ANO10: variants seen among roughly 807,000 people sequenced by gnomAD.
ANO10 encodes the protein anoctamin 10, also known as anoctamin-10.
A neutral mutation model predicts 74.7 loss-of-function variants in ANO10; 77 were observed. The observed-to-expected ratio is 1.03, with a 90% CI of 0.86 to 1.25. The LOEUF is 1.25. Ranked by LOEUF, ANO10 falls within the 50% of genes most tolerant of loss-of-function variation. ANO10 has a pLI of 0.00. For synonymous variants in ANO10, 279 were observed against 284.9 expected, an observed-to-expected ratio of 0.98 and a Z score of 0.21; for missense variants, 721 against 778.1, an observed-to-expected ratio of 0.93 and a Z score of 0.87.
intron 12 of ANO10, among the ~76,000 whole-genome samples, chr3:43,383,178 G>A (rs2092017194): frequency 6.6e-6 from 1 of 152,144 alleles, no homozygotes; most frequent in African/African-American, 2.4e-5. Context: ...CCATGGCCGG[G>A]TGCGGTGGCT....
intron 12 of ANO10, among the ~76,000 whole-genome samples, chr3:43,414,288 G>A (rs188535163): frequency 6.6e-6 from 1 of 152,206 alleles, no homozygotes; most frequent in African/African-American, 2.4e-5. Flanking sequence ...AATGGGGAGA[G>A]AGCAGCAAAG....
chr3:43,678,749 C>T (rs2084155473), intron 1 of ANO10, among the ~76,000 whole-genome samples: 1 of 152,128 alleles, frequency 6.6e-6, no homozygotes, highest in African/African-American at 2.4e-5. Context: ...TTGTCTCTGG[C>T]TCATACTCCT....
chr3:43,559,638 G>A (rs1181033804), intron 9 of ANO10, among the ~76,000 whole-genome samples: 1 of 152,052 alleles, frequency 6.6e-6, no homozygotes, highest in Admixed American at 6.6e-5. Context: ...CCAAAGATGA[G>A]GGGGGATGGA....
chr3:43,611,747 G>C (rs1295378705), intron 1 of ANO10, among the ~76,000 whole-genome samples: 3 of 152,000 alleles, frequency 2.0e-5, no homozygotes, highest in Non-Finnish European at 1.5e-5. Context: ...TAAAACTCTG[G>C]AATTAAACTC....
At chr3:43,685,918 G>A (rs1219211069) in intron 1 of ANO10, among the ~76,000 whole-genome samples, 1 of 152,014 alleles carries the variant, frequency 6.6e-6, no homozygotes, top group East Asian at 1.9e-4. Context: ...TTTTTCACAC[G>A]ATGTCTTAGA....
intron 11 of ANO10, among the ~76,000 whole-genome samples, chr3:43,433,681 G>A (rs1484254742): frequency 6.6e-6 from 1 of 152,118 alleles, no homozygotes; most frequent in Non-Finnish European, 1.5e-5. Context: ...ATAATGATAT[G>A]AGATGTATAA....
intron 11 of ANO10, among the ~76,000 whole-genome samples, chr3:43,527,739 A>T (rs1240398921): frequency 6.6e-6 from 1 of 152,192 alleles, no homozygotes; most frequent in Non-Finnish European, 1.5e-5. Context: ...TATGAAAGAG[A>T]GGGAAATAGA....
In ANO10 at chr3:43,366,740, G is replaced by T; in HGVS notation, c.*166C>A. On this transcript the variant is annotated 3_prime_UTR_variant, in exon 13 of 13. Transcript: ENST00000292246. Reference sequence around the variant, plus strand: ...GCCAAGGATCCCGAGCCAAGCCACTGCGAAACTGAGAAGGGTGCTTGCCAC... The same window carrying T: ...GCCAAGGATCCCGAGCCAAGCCACTTCGAAACTGAGAAGGGTGCTTGCCAC... 1 of 716,758 alleles carries T rather than the reference G, an allele frequency of 1.4e-6. No individual in the cohort carries two copies. Among genetic ancestry groups the T allele is most frequent in the Non-Finnish European group, 2.4e-6 (1 of 408,668 alleles). The allele number at this position is 716,758 out of a possible 1,614,324, so 44.4% of individuals were successfully genotyped here.
chr3:43,495,078 G>T (rs369700152), intron 11 of ANO10, among the ~76,000 whole-genome samples: 30 of 151,740 alleles, frequency 2.0e-4, no homozygotes, highest in East Asian at 1.5e-3. Flanking sequence ...AGACAAAAAG[G>T]TCAGTGAAAT....
At chr3:43,683,321 A>G (rs111859385) in intron 1 of ANO10, among the ~76,000 whole-genome samples, 1 of 152,060 alleles carries the variant, frequency 6.6e-6, no homozygotes, top group Non-Finnish European at 1.5e-5. Flanking sequence ...TGAGTGAATT[A>G]CCATTCACAA....
In ANO10 at chr3:43,659,778, G is replaced by C. The variant is rs1375417245; in HGVS notation, c.-12+31739C>G. On this transcript the variant is annotated intron_variant, in intron 1 of 3. Transcript: ENST00000413397. ...GTAACGGACTAAACTGCCTCCTCAA[G>C]TGGGTCCCTGACCCCCATGTAGCCT... 2.0e-5 allele frequency among the ~76,000 whole-genome samples: 3 copies of C among 152,186 alleles called. No homozygotes were observed. In the East Asian group the frequency reaches 5.8e-4, roughly 29 times the overall value.
At chr3:43,420,278 T>A (rs2092800297) in intron 12 of ANO10, among the ~76,000 whole-genome samples, 1 of 151,882 alleles carries the variant, frequency 6.6e-6, no homozygotes, top group South Asian at 2.1e-4. Context: ...AAACCCTGTC[T>A]CTACAAAAAA....
intron 11 of ANO10, among the ~76,000 whole-genome samples, chr3:43,534,950 CT>C (rs901764084): frequency 2.0e-5 from 3 of 151,652 alleles, no homozygotes; most frequent in African/African-American, 7.3e-5. Context: ...GCTCTGCTAA[CT>C]TTTTTTTCCT....
chr3:43,452,711 G>C (rs1295114560), intron 11 of ANO10, among the ~76,000 whole-genome samples: 2 of 152,180 alleles, frequency 1.3e-5, no homozygotes, highest in Non-Finnish European at 2.9e-5. Flanking sequence ...GGAACTGCTG[G>C]ATCGCATAGT....
chr3:43,483,903 GAGTTA>G (rs1454335442), intron 11 of ANO10, among the ~76,000 whole-genome samples: 1 of 152,188 alleles, frequency 6.6e-6, no homozygotes, highest in Non-Finnish European at 1.5e-5. Flanking sequence ...AGAAATGCCT[GAGTTA>G]AGTTAAGGAG....
intron 11 of ANO10, among the ~76,000 whole-genome samples, chr3:43,511,214 T>G (rs1284307022): frequency 6.6e-6 from 1 of 152,244 alleles, no homozygotes; most frequent in Non-Finnish European, 1.5e-5. Context: ...ATTTCCAACC[T>G]AATTTATTTA....
intron 6 of ANO10, among the ~76,000 whole-genome samples, chr3:43,575,969 G>T (rs532916227): frequency 1.3e-5 from 2 of 152,126 alleles, no homozygotes; most frequent in Non-Finnish European, 2.9e-5. Flanking sequence ...TAAAGTTAAG[G>T]CTTTGACTTC....
In ANO10 at chr3:43,418,648, G is replaced by A. The variant is rs553763829; in HGVS notation, c.1914+13963C>T. Reference sequence around the variant, plus strand: ...TGATGCATTGGTTATCTATTACTGCGTAACAAATTATCCCAAAACTTAGTG... The same window carrying A: ...TGATGCATTGGTTATCTATTACTGCATAACAAATTATCCCAAAACTTAGTG... On this transcript the variant is annotated intron_variant, in intron 12 of 12. Coordinates refer to ENST00000292246, the MANE Select transcript of ANO10 (RefSeq NM_018075.5). Among the ~76,000 whole-genome samples the A allele has an allele frequency of 2.1e-4, 32 of 152,250 alleles. 1 individual carries two copies. The highest frequency in any genetic ancestry group is 3.4e-3 in the Middle Eastern group (1 of 294).
At chr3:43,593,677 C>T (rs1270739657) in intron 4 of ANO10, among the ~76,000 whole-genome samples, 2 of 152,114 alleles carry the variant, frequency 1.3e-5, no homozygotes, top group African/African-American at 4.8e-5. Context: ...TAAAGACCAT[C>T]GAGGCTAGGA....
Sources: gnomAD v4.1 joint callset for allele counts (sites outside exome capture counted in the v4.1 genomes callset) on GRCh38, gnomAD v4.1.1 for gene constraint, MANE v1.5 for transcripts, NCBI Gene and HGNC (gene_info 2026-07-23, HGNC 2026-07-21) for gene names.